Variants in TMEM163 observed in about 807,000 individuals in gnomAD.
TMEM163 encodes transmembrane protein 163.
Under a neutral mutation model 29.3 loss-of-function variants are expected in TMEM163, and 17 were observed. The observed-to-expected ratio is 0.58, with a 90% CI of 0.40 to 0.87. The LOEUF is 0.87. Ranked by LOEUF, TMEM163 falls within the 40% of genes least tolerant of loss-of-function variation. The pLI, the probability that TMEM163 is intolerant of heterozygous loss-of-function variation, is 0.00. For synonymous variants in TMEM163, 157 were observed against 160.6 expected, an observed-to-expected ratio of 0.98 and a Z score of 0.17; for missense variants, 303 against 381.5, an observed-to-expected ratio of 0.79 and a Z score of 1.71.
intron 5 of TMEM163, among the ~76,000 whole-genome samples, chr2:134,497,648 C>T (rs896708483): frequency 2.0e-5 from 3 of 152,206 alleles, no homozygotes; most frequent in Non-Finnish European, 4.4e-5. Context: ...TTCATTATTA[C>T]ATCATTTACT....
chr2:134,546,643 CAAAAAA>C (rs58851155), intron 4 of TMEM163, among the ~76,000 whole-genome samples: 1 of 84,358 alleles, frequency 1.2e-5, no homozygotes, highest in Non-Finnish European at 2.4e-5. Context: ...GGCTCCATCT[CAAAAAA>C]AAAAAAAAAA....
chr2:134,697,463 ATT>A lies in TMEM163; in HGVS notation c.322+15735_322+15736del, dbSNP rs3039626. ...GAGAGATACTATAGGTTTCTTCTCA[ATT>A]TTTTTTTTTTTTTTTTGAGATGGAG... On this transcript the variant is annotated intron_variant, in intron 2 of 7. Coordinates refer to ENST00000281924, the MANE Select transcript of TMEM163 (RefSeq NM_030923.5). Among the ~76,000 whole-genome samples, 997 of 133,700 alleles carry A rather than the reference ATT, an allele frequency of 7.5e-3. 10 individuals are homozygous for A. The highest frequency in any genetic ancestry group is 0.023 in the African/African-American group (794 of 34,378). The allele number at this position is 133,700 out of a possible 152,430, so 87.7% of individuals were successfully genotyped here. A position where few individuals can be genotyped will look rare whatever the true frequency, so the allele number is the denominator to read the frequency against.
At chr2:134,464,386 T>C (rs1446715514) in intron 6 of TMEM163, among the ~76,000 whole-genome samples, 2 of 152,126 alleles carry the variant, frequency 1.3e-5, no homozygotes, top group Non-Finnish European at 1.5e-5. Flanking sequence ...GGAGTCAGAA[T>C]CTTCGGGGTG....
At chr2:134,516,613 A>T (rs1680063056) in intron 4 of TMEM163, among the ~76,000 whole-genome samples, 1 of 148,190 alleles carries the variant, frequency 6.7e-6, no homozygotes, top group African/African-American at 2.5e-5. Flanking sequence ...ATGTTCATAA[A>T]TATTCATATA....
At chr2:134,551,588 A>G (rs897700430) in intron 3 of TMEM163, among the ~76,000 whole-genome samples, 6 of 152,184 alleles carry the variant, frequency 3.9e-5, no homozygotes, top group African/African-American at 1.4e-4. Context: ...TAGCCTGTGA[A>G]GCAGAGACCC....
chr2:134,486,298 G>C (rs887875660), intron 5 of TMEM163, among the ~76,000 whole-genome samples: 1 of 152,140 alleles, frequency 6.6e-6, no homozygotes, highest in African/African-American at 2.4e-5. Flanking sequence ...AAAACCGAAT[G>C]TGAACAAAAC....
chr2:134,667,156 C>G (rs2104863650), intron 2 of TMEM163, among the ~76,000 whole-genome samples: 1 of 152,372 alleles, frequency 6.6e-6, no homozygotes, highest in East Asian at 1.9e-4. Flanking sequence ...AGTGCTCCTT[C>G]TGAGAATAAT....
At chr2:134,589,072 A>G (rs1681882977) in intron 2 of TMEM163, among the ~76,000 whole-genome samples, 1 of 152,230 alleles carries the variant, frequency 6.6e-6, no homozygotes, top group African/African-American at 2.4e-5. Context: ...CTATGAGGCT[A>G]CTGCAATAGT....
chr2:134,520,530 C>T lies in TMEM163; in HGVS notation c.459-17533G>A, dbSNP rs74680439. On this transcript the variant is annotated intron_variant, in intron 4 of 7. Coordinates refer to ENST00000281924, the MANE Select transcript of TMEM163 (RefSeq NM_030923.5). ...CTACTGTTGTGAGTTAATCCACATGCGGGTCTTATTAGCAAAGTGCCTGGC... is the reference window on the plus strand; with the variant it reads ...CTACTGTTGTGAGTTAATCCACATGTGGGTCTTATTAGCAAAGTGCCTGGC... Among the ~76,000 whole-genome samples, 398 of 152,260 alleles carry T rather than the reference C, an allele frequency of 2.6e-3. 2 individuals are homozygous for T. The highest frequency in any genetic ancestry group is 9.1e-3 in the African/African-American group (377 of 41,532).
chr2:134,614,494 G>C (rs1334552421), intron 2 of TMEM163, among the ~76,000 whole-genome samples: 1 of 152,078 alleles, frequency 6.6e-6, no homozygotes, highest in African/African-American at 2.4e-5. Flanking sequence ...GTGAGGCCAA[G>C]AATTCTTAGA....
intron 5 of TMEM163, among the ~76,000 whole-genome samples, chr2:134,497,852 G>C (rs1343413863): frequency 6.6e-6 from 1 of 152,154 alleles, no homozygotes; most frequent in Non-Finnish European, 1.5e-5. Flanking sequence ...AAGCCCAAGA[G>C]AGAGCAATAC....
At chr2:134,717,718 G>A (rs1281674794) in intron 1 of TMEM163, among the ~76,000 whole-genome samples, 1 of 152,202 alleles carries the variant, frequency 6.6e-6, no homozygotes, top group Non-Finnish European at 1.5e-5. Context: ...TCCCTCTTTG[G>A]CCACTAAACG....
At chr2:134,635,302 T>C (rs1187151270) in intron 2 of TMEM163, among the ~76,000 whole-genome samples, 3 of 152,204 alleles carry the variant, frequency 2.0e-5, no homozygotes, top group African/African-American at 7.2e-5. Flanking sequence ...ACGGCTCTTC[T>C]ATCTGTTGGC....
chr2:134,500,846 T>G (rs1295756154), intron 5 of TMEM163, among the ~76,000 whole-genome samples: 4 of 152,044 alleles, frequency 2.6e-5, no homozygotes, highest in African/African-American at 4.8e-5. Flanking sequence ...GGGAGGGACT[T>G]GTTAAAGGAT....
At chr2:134,696,286 T>C (rs1385546154) in intron 2 of TMEM163, among the ~76,000 whole-genome samples, 1 of 152,194 alleles carries the variant, frequency 6.6e-6, no homozygotes, top group African/African-American at 2.4e-5. Flanking sequence ...ACTTTCCTGG[T>C]CTATTTGTTC....
At chr2:134,480,972 C>T (rs1242673179) in intron 5 of TMEM163, among the ~76,000 whole-genome samples, 1 of 152,104 alleles carries the variant, frequency 6.6e-6, no homozygotes, top group East Asian at 1.9e-4. Context: ...TTCCATGACC[C>T]CCGAAGTTCC....
intron 2 of TMEM163, among the ~76,000 whole-genome samples, chr2:134,562,252 G>A (rs72984260): frequency 0.054 from 8,277 of 152,248 alleles, 727 homozygotes; most frequent in African/African-American, 0.19. Context: ...ACACAAAAGC[G>A]TGAAGTCAAG....
In TMEM163 at chr2:134,718,746, G is replaced by T; in HGVS notation, c.190C>A (p.Leu64Met). ...AGCTCGCGCTCACCTCGGTCCTCCA[G>T]CCCGTCGCTGAACTGGCCGCTCTCG... ...ISESGQFSDGLEDRGLLESST... is the reference protein window; with the variant it reads ...ISESGQFSDGMEDRGLLESST... The change falls in exon 1 of 8, where the codon CTG (leucine) becomes ATG (methionine). Residue 64 changes from leucine to methionine, a missense_variant. This residue lies in a region of TMEM163 where 100 missense variants were observed against 87.2 expected (regional missense o/e 1.15). Coordinates refer to ENST00000281924, the MANE Select transcript of TMEM163 (RefSeq NM_030923.5). 1 of 1,155,686 alleles carries T rather than the reference G, an allele frequency of 8.7e-7. No individual in the cohort carries two copies. The allele number at this position is 1,155,686 out of a possible 1,614,324, so 71.6% of individuals were successfully genotyped here.
Position 134,456,458 on chromosome 2 carries a change from G to A in TMEM163, c.*258C>T. The A allele has an allele frequency of 2.0e-6, 1 of 502,150 alleles. No homozygotes were observed. The highest frequency in any genetic ancestry group is 2.2e-5 in the South Asian group (1 of 44,576). 31.1% of individuals were successfully genotyped at this position (502,150 alleles called of 1,614,324 possible). A position where few individuals can be genotyped will look rare whatever the true frequency, so the allele number is the denominator to read the frequency against. ...TACCCATGAGAACCATCATACTCCAGAGACTAAAAAACGCCAGTCCCAGCT... is the reference window on the plus strand; with the variant it reads ...TACCCATGAGAACCATCATACTCCAAAGACTAAAAAACGCCAGTCCCAGCT... On this transcript the variant is annotated 3_prime_UTR_variant, in exon 8 of 8. Coordinates refer to ENST00000281924, the MANE Select transcript of TMEM163 (RefSeq NM_030923.5).
Sources: gnomAD v4.1 joint callset for allele counts (sites outside exome capture counted in the v4.1 genomes callset) on GRCh38, gnomAD v4.1.1 for gene constraint, gnomAD v4.1.1 regional missense constraint, MANE v1.5 for transcripts, NCBI Gene and HGNC (gene_info 2026-07-23, HGNC 2026-07-21) for gene names.